Variants in TMEM267 observed in about 807,000 individuals in gnomAD.
TMEM267 encodes transmembrane protein 267.
A neutral mutation model predicts 19.3 loss-of-function variants in TMEM267; 20 were observed. That is an observed-to-expected ratio of 1.04 (90% confidence interval 0.73 to 1.51). The LOEUF (loss-of-function observed/expected upper bound fraction) is 1.51. Ranked by LOEUF, TMEM267 falls within the 40% of genes most tolerant of loss-of-function variation. The pLI is 0.00. For synonymous variants in TMEM267, 88 were observed against 90.3 expected (o/e 0.97, Z 0.15); for missense variants, 242 against 261.9 (o/e 0.92, Z 0.52).
At chr5:43,468,458 G>T (rs1244161634) in intron 1 of TMEM267, among the ~76,000 whole-genome samples, 1 of 152,154 alleles carries the variant, frequency 6.6e-6, no homozygotes, top group Non-Finnish European at 1.5e-5. Flanking sequence ...CATTCAGGTG[G>T]AAACAAGGCT....
rs1742195933 is a variant in TMEM267, at chr5:43,445,592, G to C, written c.*630C>G. The stretch of plus-strand genomic sequence containing the variant: ...CCTAAATTAATTTCTGAAATAATAA[G>C]CTAGATCTAATGTTAGCTACTGGAT... On this transcript the variant is annotated 3_prime_UTR_variant, in exon 3 of 3. Coordinates refer to ENST00000397080, the MANE Select transcript of TMEM267 (RefSeq NM_022483.5). 6.6e-6 allele frequency: 1 copy of C among 152,046 alleles called. No individual in the cohort carries two copies. The highest frequency in any genetic ancestry group is 2.4e-5 in the African/African-American group (1 of 41,390). The allele number at this position is 152,046 out of a possible 1,614,324, so 9.4% of individuals were successfully genotyped here.
chr5:43,474,609 A>C (rs554526897), intron 1 of TMEM267, among the ~76,000 whole-genome samples: 11 of 152,172 alleles, frequency 7.2e-5, no homozygotes, highest in African/African-American at 2.6e-4. Flanking sequence ...AAAATACAAA[A>C]TTAGCCAAGC....
intron 1 of TMEM267, among the ~76,000 whole-genome samples, chr5:43,480,480 A>ATTTTTTC (rs1554034299): frequency 6.6e-6 from 1 of 150,826 alleles, no homozygotes; most frequent in Non-Finnish European, 1.5e-5. Context: ...AGCTTGGGCA[A>ATTTTTTC]TTTTTTCTTT....
chr5:43,467,803 T>A (rs538336747), intron 1 of TMEM267, among the ~76,000 whole-genome samples: 57 of 152,298 alleles, frequency 3.7e-4, no homozygotes, highest in Admixed American at 7.8e-4. Flanking sequence ...CTCACAGAGA[T>A]AGATACATAT....
intron 1 of TMEM267, among the ~76,000 whole-genome samples, chr5:43,470,923 A>G (rs1579821182): frequency 6.6e-6 from 1 of 152,310 alleles, no homozygotes; most frequent in East Asian, 1.9e-4. Context: ...GTAGAAGAAA[A>G]GAAATAATAA....
At chr5:43,471,800 G>C (rs1228586060) in intron 1 of TMEM267, among the ~76,000 whole-genome samples, 1 of 152,058 alleles carries the variant, frequency 6.6e-6, no homozygotes, top group South Asian at 2.1e-4. Context: ...AATCAAAATG[G>C]ATTAAAAACT....
chr5:43,468,288 C>A lies in TMEM267; in HGVS notation c.-74-14245G>T, dbSNP rs554070373. Among the ~76,000 whole-genome samples the A allele has an allele frequency of 1.1e-4, 16 of 152,204 alleles. No individual in the cohort carries two copies. In the South Asian group the frequency reaches 1.9e-3, roughly 18 times the overall value. On this transcript the variant is annotated intron_variant, in intron 1 of 2. Coordinates refer to ENST00000397080, the MANE Select transcript of TMEM267 (RefSeq NM_022483.5). ...TTGGGCATTATCAATCAGATGAATTCCTGGGAACTGCGGATATAGCTTGCC... is the reference window on the plus strand; with the variant it reads ...TTGGGCATTATCAATCAGATGAATTACTGGGAACTGCGGATATAGCTTGCC...
At chr5:43,457,097 TCAAA>T (rs918457882) in intron 1 of TMEM267, among the ~76,000 whole-genome samples, 5 of 151,996 alleles carry the variant, frequency 3.3e-5, no homozygotes, top group Non-Finnish European at 5.9e-5. Context: ...GTGAAAGAAG[TCAAA>T]CAAACAAAAA....
rs532480824 is a variant in TMEM267 at position 43,460,957 on chromosome 5, C to A, written c.-74-6914G>T. ...AACTAGGCCCAGAGACAGTGGACTG[C>A]GTGGGCACATGACATACTGAGACCA... is the stretch of plus-strand genomic sequence containing the variant. On this transcript the variant is annotated intron_variant, in intron 1 of 2. Coordinates refer to ENST00000397080, the MANE Select transcript of TMEM267 (RefSeq NM_022483.5). 3.5e-4 allele frequency among the ~76,000 whole-genome samples: 53 copies of A among 152,282 alleles called. 1 individual carries two copies. The highest frequency in any genetic ancestry group is 1.2e-3 in the African/African-American group (51 of 41,566).
intron 1 of TMEM267, among the ~76,000 whole-genome samples, chr5:43,464,487 C>T (rs1398363850): frequency 3.9e-5 from 6 of 152,216 alleles, no homozygotes; most frequent in South Asian, 4.1e-4. Flanking sequence ...AAAAAGAGCC[C>T]GCATTACCAA....
At chr5:43,456,996 C>A (rs1356041368) in intron 1 of TMEM267, among the ~76,000 whole-genome samples, 1 of 152,040 alleles carries the variant, frequency 6.6e-6, no homozygotes, top group East Asian at 1.9e-4. Flanking sequence ...CAAATGTCCA[C>A]AAACATGTGA....
At position 43,479,909 on chromosome 5, in the gene TMEM267, A is replaced by G. The variant is rs189536190; in HGVS notation, c.-75+3913T>C. ...ACATACCTCCATTACAAAGTCATGA[A>G]TCCTTTCTATAAACCTCAGGATTTA... On this transcript the variant is annotated intron_variant, in intron 1 of 2. Coordinates refer to ENST00000397080, the MANE Select transcript of TMEM267 (RefSeq NM_022483.5). 31 of 443,184 alleles carry G rather than the reference A, an allele frequency of 7.0e-5. 1 individual carries two copies. Among genetic ancestry groups the G allele is most frequent in the Middle Eastern group, 3.3e-4 (1 of 3,054 alleles). The allele number at this position is 443,184 out of a possible 1,614,324, so 27.5% of individuals were successfully genotyped here.
intron 1 of TMEM267, among the ~76,000 whole-genome samples, chr5:43,472,291 C>T (rs1427609366): frequency 2.0e-5 from 3 of 151,906 alleles, no homozygotes; most frequent in African/African-American, 4.8e-5. Flanking sequence ...CAGGCAATAA[C>T]AAATGATGAA....
At chr5:43,463,907 C>T (rs946934220) in intron 1 of TMEM267, among the ~76,000 whole-genome samples, 3 of 152,128 alleles carry the variant, frequency 2.0e-5, no homozygotes, top group Admixed American at 6.5e-5. Flanking sequence ...GACAGGGATG[C>T]CCTCTCTCAC....
intron 1 of TMEM267, among the ~76,000 whole-genome samples, chr5:43,469,645 G>C (rs1743946584): frequency 6.6e-6 from 1 of 152,208 alleles, no homozygotes; most frequent in African/African-American, 2.4e-5. Flanking sequence ...CAGATCCATA[G>C]CTAGTATCAT....
chr5:43,466,104 G>C (rs1218267928), intron 1 of TMEM267, among the ~76,000 whole-genome samples: 1 of 152,146 alleles, frequency 6.6e-6, no homozygotes, highest in East Asian at 1.9e-4. Context: ...TGGGATAACA[G>C]AGAACTTCTC....
chr5:43,465,769 A>G (rs1244915059), intron 1 of TMEM267, among the ~76,000 whole-genome samples: 2 of 152,128 alleles, frequency 1.3e-5, no homozygotes, highest in African/African-American at 4.8e-5. Context: ...ACACATGGAC[A>G]CAGGAAGGGG....
intron 1 of TMEM267, among the ~76,000 whole-genome samples, chr5:43,474,910 C>T (rs375072713): frequency 1.3e-5 from 2 of 152,092 alleles, no homozygotes; most frequent in Non-Finnish European, 2.9e-5. Flanking sequence ...GAAATAGGAA[C>T]GCTTTTACAC....
chr5:43,482,978 T>C (rs1744881357), intron 1 of TMEM267, among the ~76,000 whole-genome samples: 1 of 152,198 alleles, frequency 6.6e-6, no homozygotes, highest in Non-Finnish European at 1.5e-5. Context: ...CCACCAACCT[T>C]ACACATTATA....
Sources: gnomAD v4.1 joint callset for allele counts (sites outside exome capture counted in the v4.1 genomes callset) on GRCh38, gnomAD v4.1.1 for gene constraint, MANE v1.5 for transcripts, NCBI Gene and HGNC (gene_info 2026-07-23, HGNC 2026-07-21) for gene names.